The following ZNF846 variants were observed in gnomAD, a reference collection of about 807,000 sequenced individuals.
The protein encoded by ZNF846 is zinc finger protein 420 pseudogene.
ZNF846 carries 15 observed loss-of-function variants against 16.0 expected under a neutral mutation model. The ratio of observed to expected loss-of-function variants is 0.94; its 90% CI spans 0.63 to 1.45. ZNF846 has a LOEUF of 1.45. ZNF846 is among the 40% of genes most tolerant of loss of function. ZNF846 has a pLI of 0.00. For missense variants in ZNF846, 714 were observed against 622.3 expected, an observed-to-expected ratio of 1.15 and a Z score of -1.57; for synonymous variants, 229 against 212.0, an observed-to-expected ratio of 1.08 and a Z score of -0.70.
Position 9,764,116 on chromosome 19 carries a change from GC to G in ZNF846, c.16-709del, listed in dbSNP as rs1568324758. ...ATGTTCATAGCTCTGGGAATGGAAT[GC>G]GACCCTTGTGGAGAGCCTATAAACA... is the stretch of plus-strand genomic sequence containing the variant. On this transcript the variant is annotated intron_variant, in intron 2 of 5. Coordinates refer to ENST00000397902, the Ensembl canonical transcript of ZNF846. Among the ~76,000 whole-genome samples the G allele has an allele frequency of 2.4e-3, 371 of 152,304 alleles. 4 individuals carry two copies. The highest frequency in any genetic ancestry group is 8.5e-3 in the African/African-American group (354 of 41,568).
At chr19:9,755,097 C>A (rs1046252856), downstream of ZNF846, among the ~76,000 whole-genome samples, 1 of 151,264 alleles carries the variant, frequency 6.6e-6, no homozygotes, top group Non-Finnish European at 1.5e-5. Context: ...ATCTCTTGAC[C>A]TTGTGATCCA....
At chr19:9,783,833 C>T (rs2045530587) in intron 1 of ZNF846, among the ~76,000 whole-genome samples, 1 of 151,762 alleles carries the variant, frequency 6.6e-6, no homozygotes, top group Non-Finnish European at 1.5e-5. Context: ...GAACTACAGG[C>T]ACAGTGCCAC....
downstream of ZNF846, among the ~76,000 whole-genome samples, chr19:9,749,154 C>T (rs779646638): frequency 1.3e-5 from 2 of 152,194 alleles, no homozygotes; most frequent in Non-Finnish European, 2.9e-5. Flanking sequence ...GCACTCTCCC[C>T]TACTTCCCTT....
At chr19:9,753,534 G>A (rs1465190351), downstream of ZNF846, among the ~76,000 whole-genome samples, 1 of 151,022 alleles carries the variant, frequency 6.6e-6, no homozygotes, top group African/African-American at 2.5e-5. Flanking sequence ...GATTACAGGT[G>A]TGAGCCACCG....
At chr19:9,750,045 A>G (rs1033899970), downstream of ZNF846, among the ~76,000 whole-genome samples, 7 of 152,058 alleles carry the variant, frequency 4.6e-5, no homozygotes, top group African/African-American at 1.7e-4. Context: ...CCTTTAGGAA[A>G]CCTTCCACCA....
At chr19:9,757,710 CCGCATTCCTTACATT>C in exon 6 of ZNF846, 1 of 1,613,364 alleles carries the variant, frequency 6.2e-7, no homozygotes, top group South Asian at 1.1e-5. Context: ...AAATGCTTTA[CCGCATTCCTTACATT>C]CACAGGCCTT....
At chr19:9,760,074 C>A in intron 4 of ZNF846, 132 bp from the exon 5 acceptor site, 2 of 596,844 alleles carry the variant, frequency 3.4e-6, no homozygotes, top group South Asian at 1.9e-5. Context: ...GGTGGCTTAC[C>A]TGAGGTTAGG....
upstream of ZNF846, among the ~76,000 whole-genome samples, chr19:9,770,408 A>AT (rs1356176151): frequency 4.7e-5 from 7 of 148,802 alleles, no homozygotes; most frequent in South Asian, 2.1e-4. Flanking sequence ...TCAGTACTTA[A>AT]TTTTTTTTTA....
chr19:9,781,724 T>G (rs1488406587), intron 1 of ZNF846, among the ~76,000 whole-genome samples: 1 of 152,014 alleles, frequency 6.6e-6, no homozygotes, highest in Non-Finnish European at 1.5e-5. Flanking sequence ...CCTTTATTTT[T>G]TAATTGCTCT....
intron 2 of ZNF846, among the ~76,000 whole-genome samples, chr19:9,764,172 T>C (rs576343227): frequency 2.3e-4 from 35 of 152,318 alleles, no homozygotes; most frequent in Non-Finnish European, 4.1e-4. Flanking sequence ...TCCATATGGA[T>C]AAACGCCCTC....
At chr19:9,758,463 C>A in exon 6 of ZNF846, 7 of 1,613,526 alleles carry the variant, frequency 4.3e-6, no homozygotes, top group African/African-American at 1.3e-5. Context: ...AAGAAAAGTT[C>A]TCCAACAGTC....
chr19:9,782,460 G>T (rs2045511728), intron 1 of ZNF846, among the ~76,000 whole-genome samples: 1 of 151,974 alleles, frequency 6.6e-6, no homozygotes, highest in African/African-American at 2.4e-5. Context: ...ATGGGGTCTT[G>T]CTAGGTTGCC....
At chr19:9,766,981 T>G (rs1208429753) in intron 1 of ZNF846, among the ~76,000 whole-genome samples, 1 of 150,342 alleles carries the variant, frequency 6.7e-6, no homozygotes, top group Non-Finnish European at 1.5e-5. Context: ...ACTTTAGTTA[T>G]GCTTTTATTT....
chr19:9,750,716 G>T (rs546338768), downstream of ZNF846, among the ~76,000 whole-genome samples: 6 of 152,054 alleles, frequency 3.9e-5, 1 homozygote, highest in Admixed American at 3.9e-4. Flanking sequence ...CTTCACTATT[G>T]CACTTAGAAC....
intron 1 of ZNF846, among the ~76,000 whole-genome samples, chr19:9,780,885 C>T (rs1213438635): frequency 6.6e-6 from 1 of 152,186 alleles, no homozygotes; most frequent in African/African-American, 2.4e-5. Context: ...ATTAGATTCA[C>T]TGGAGGACTT....
upstream of ZNF846, among the ~76,000 whole-genome samples, chr19:9,769,004 G>C (rs1289359152): frequency 6.6e-6 from 1 of 152,230 alleles, no homozygotes; most frequent in Non-Finnish European, 1.5e-5. Context: ...GCAGCGGGCG[G>C]GGCACGCGTG....
intron 3 of ZNF846, 78 bp downstream of exon 3, chr19:9,763,204 G>A (rs1244482839): frequency 2.2e-6 from 3 of 1,353,830 alleles, no homozygotes; most frequent in East Asian, 2.5e-5. Context: ...GCTTATTACA[G>A]TACCCTCATT....
chr19:9,763,032 T>G (rs2045254628), intron 3 of ZNF846, among the ~76,000 whole-genome samples: 1 of 151,802 alleles, frequency 6.6e-6, no homozygotes, highest in Admixed American at 6.6e-5. Context: ...TAATCCCAGC[T>G]ACCTGGGAGG....
downstream of ZNF846, among the ~76,000 whole-genome samples, chr19:9,753,605 T>C (rs1014799344): frequency 2.6e-5 from 4 of 151,602 alleles, no homozygotes; most frequent in Non-Finnish European, 4.4e-5. Flanking sequence ...TGGTATGCCA[T>C]GTCTTTGTTT....
Sources: allele counts gnomAD v4.1 joint callset (sites outside exome capture counted in the v4.1 genomes callset), GRCh38; gene constraint gnomAD v4.1.1; transcripts MANE v1.5; gene names NCBI Gene and HGNC (gene_info 2026-07-23, HGNC 2026-07-21).